The following PLXNA4 variants were observed in gnomAD, a reference collection of about 807,000 sequenced individuals.
PLXNA4 encodes the protein plexin A4.
In PLXNA4, 44 loss-of-function variants were observed where a neutral mutation model predicts 191.8. That is an observed-to-expected ratio of 0.23 (90% CI 0.18 to 0.29). The LOEUF is 0.29. PLXNA4 is among the 10% of genes least tolerant of loss of function. PLXNA4 has a pLI of 1.00. For synonymous variants in PLXNA4, 1,082 were observed against 1,009.5 expected, an observed-to-expected ratio of 1.07 and a Z score of -1.36; for missense variants, 1,800 against 2,488.8, an observed-to-expected ratio of 0.72 and a Z score of 5.89.
At chr7:132,425,859 G>C (rs1177231431) in intron 3 of PLXNA4, among the ~76,000 whole-genome samples, 2 of 152,192 alleles carry the variant, frequency 1.3e-5, no homozygotes, top group Admixed American at 6.5e-5. Flanking sequence ...TCTTGAACAT[G>C]GTGCCTCCCT....
At chr7:132,245,404 C>T (rs536729415) in intron 4 of PLXNA4, among the ~76,000 whole-genome samples, 2 of 152,300 alleles carry the variant, frequency 1.3e-5, no homozygotes, top group East Asian at 3.9e-4. Flanking sequence ...CTCTGGGGAC[C>T]TCCATGTGTG....
intron 3 of PLXNA4, among the ~76,000 whole-genome samples, chr7:132,378,507 A>C (rs1212124648): frequency 1.3e-5 from 2 of 152,152 alleles, no homozygotes; most frequent in Non-Finnish European, 2.9e-5. Context: ...AGCATGTCAT[A>C]GTTCTGAGGA....
chr7:132,264,565 C>A (rs1187437269), intron 4 of PLXNA4, among the ~76,000 whole-genome samples: 1 of 152,092 alleles, frequency 6.6e-6, no homozygotes, highest in Admixed American at 6.5e-5. Context: ...ATACACAGGG[C>A]GAGCTGGGTT....
At chr7:132,546,241 G>A (rs1304565316) in intron 1 of PLXNA4, among the ~76,000 whole-genome samples, 2 of 152,150 alleles carry the variant, frequency 1.3e-5, no homozygotes, top group East Asian at 1.9e-4. Context: ...GCTAGGATGT[G>A]GAAATGCAGG....
At chr7:132,202,977 G>T (rs1328582209) in intron 11 of PLXNA4, 141 bp from the exon 12 acceptor site, 3 of 893,526 alleles carry the variant, frequency 3.4e-6, no homozygotes, top group Non-Finnish European at 4.9e-6. Flanking sequence ...CCATTCTGAT[G>T]CAAAAAAGAA....
At chr7:132,613,260 C>T (rs1245038411) in intron 2 of PLXNA4, among the ~76,000 whole-genome samples, 3 of 152,162 alleles carry the variant, frequency 2.0e-5, no homozygotes, top group African/African-American at 7.2e-5. Context: ...TGGGCCTCCT[C>T]TCCTCTGCTC....
intron 1 of PLXNA4, among the ~76,000 whole-genome samples, chr7:132,557,058 G>A (rs1800832902): frequency 6.6e-6 from 1 of 152,206 alleles, no homozygotes; most frequent in Non-Finnish European, 1.5e-5. Context: ...TATAATGAGG[G>A]TGGGAGAAGC....
chr7:132,194,275 G>A, intron 13 of PLXNA4, 96 bp from the exon 14 acceptor site: 4 of 1,470,342 alleles, frequency 2.7e-6, no homozygotes, highest in Non-Finnish European at 3.6e-6. Context: ...CTCCACAGTA[G>A]GATCTCAGGG....
rs56218462 is a variant in PLXNA4, at chr7:132,178,713, T to TACACACACACACACACAC, written c.3874+956_3874+973dup. ...TAAATGAAACACATACACATACACATACACACACACACACACACTTGTAAA... is the reference window on the plus strand; with the variant it reads ...TAAATGAAACACATACACATACACATACACACACACACACACACACACACACACACACACACTTGTAAA... On this transcript the variant is annotated intron_variant, in intron 20 of 31. Transcript: ENST00000321063. 1.4e-3 allele frequency among the ~76,000 whole-genome samples: 152 copies of TACACACACACACACACAC among 112,100 alleles called. 10 individuals carry two copies. Among genetic ancestry groups the TACACACACACACACACAC allele is most frequent in the South Asian group, 3.4e-3 (11 of 3,256 alleles). 73.5% of individuals were successfully genotyped at this position (112,100 alleles called of 152,430 possible).
intron 9 of PLXNA4, among the ~76,000 whole-genome samples, chr7:132,214,941 C>T (rs1348666001): frequency 2.6e-5 from 4 of 152,110 alleles, no homozygotes; most frequent in South Asian, 2.1e-4. Flanking sequence ...GCGTCTGGTC[C>T]GGGGTGAGTG....
intron 2 of PLXNA4, among the ~76,000 whole-genome samples, chr7:132,618,241 T>C (rs981028379): frequency 1.3e-5 from 2 of 152,246 alleles, no homozygotes; most frequent in East Asian, 1.9e-4. Context: ...TGGCAAGCCA[T>C]GTGGCCTTCC....
chr7:132,432,499 T>C (rs188337800), intron 3 of PLXNA4, among the ~76,000 whole-genome samples: 2,139 of 152,294 alleles, frequency 0.014, 183 homozygotes, highest in Admixed American at 0.13. Context: ...ATAGGGTATT[T>C]ATCCCACTCC....
intron 1 of PLXNA4, among the ~76,000 whole-genome samples, chr7:132,555,577 G>A (rs1031455229): frequency 2.0e-5 from 3 of 152,122 alleles, no homozygotes; most frequent in East Asian, 1.9e-4. Context: ...TATTTCCCAC[G>A]TATTATGTCA....
chr7:132,386,868 G>A (rs1474904892), intron 3 of PLXNA4, among the ~76,000 whole-genome samples: 7 of 152,184 alleles, frequency 4.6e-5, no homozygotes, highest in Non-Finnish European at 8.8e-5. Context: ...CACATCACAT[G>A]TCTTATAGGC....
intron 3 of PLXNA4, among the ~76,000 whole-genome samples, chr7:132,306,900 A>T (rs1015481605): frequency 4.6e-5 from 7 of 152,166 alleles, no homozygotes; most frequent in Non-Finnish European, 2.9e-5. Flanking sequence ...GGCAAAGAAG[A>T]GCTGGGAAGG....
intron 3 of PLXNA4, among the ~76,000 whole-genome samples, chr7:132,367,150 A>G (rs763896597): frequency 2.6e-5 from 4 of 152,224 alleles, no homozygotes; most frequent in Non-Finnish European, 5.9e-5. Context: ...TGGGCTCTAC[A>G]TGTGGATATA....
At chr7:132,404,727 A>G (rs1794138965) in intron 3 of PLXNA4, among the ~76,000 whole-genome samples, 1 of 152,174 alleles carries the variant, frequency 6.6e-6, no homozygotes, top group African/African-American at 2.4e-5. Context: ...GCCACCTCAT[A>G]GGGGTATAGA....
At chr7:132,520,068 T>C (rs1168963520) in intron 1 of PLXNA4, among the ~76,000 whole-genome samples, 2 of 152,170 alleles carry the variant, frequency 1.3e-5, no homozygotes, top group Admixed American at 1.3e-4. Context: ...ATGTGATGAT[T>C]ACAACACCCA....
At chr7:132,138,738 T>C (rs565943419) in intron 30 of PLXNA4, among the ~76,000 whole-genome samples, 2 of 152,324 alleles carry the variant, frequency 1.3e-5, no homozygotes, top group South Asian at 4.1e-4. Context: ...TGAGTTTACT[T>C]GTGACCTGCA....
Sources: allele counts gnomAD v4.1 joint callset (sites outside exome capture counted in the v4.1 genomes callset), GRCh38; gene constraint gnomAD v4.1.1; transcripts MANE v1.5; gene names NCBI Gene and HGNC (gene_info 2026-07-23, HGNC 2026-07-21).